CFLAR: variants seen among roughly 807,000 people sequenced by gnomAD.
CFLAR encodes the protein CASP8 and FADD-like apoptosis regulator.
In CFLAR, 14 loss-of-function variants were observed where a neutral mutation model predicts 51.1. The observed-to-expected ratio is 0.27, with a 90% CI of 0.18 to 0.43. The LOEUF (loss-of-function observed/expected upper bound fraction) is 0.43. Among genes scored for constraint, CFLAR ranks in the 20% least tolerant of loss-of-function variants. CFLAR has a pLI of 1.00. For synonymous variants in CFLAR, 210 were observed against 211.6 expected (o/e 0.99, Z 0.06); for missense variants, 390 against 566.5 (o/e 0.69, Z 3.16).
chr2:201,135,368 T>A (rs112042253), intron 3 of CFLAR, among the ~76,000 whole-genome samples: 1 of 152,302 alleles, frequency 6.6e-6, no homozygotes, highest in Admixed American at 6.5e-5. Flanking sequence ...CTTAGGAGGA[T>A]TGTCTTTTCA....
chr2:201,158,723 C>G (rs1378916221), intron 8 of CFLAR, among the ~76,000 whole-genome samples: 2 of 151,820 alleles, frequency 1.3e-5, no homozygotes, highest in Non-Finnish European at 2.9e-5. Flanking sequence ...ACAGAGTTTT[C>G]TTTTTTTTAT....
At position 201,160,537 on chromosome 2, in the gene CFLAR, C is replaced by T. The variant is rs1463886724; in HGVS notation, c.899C>T (p.Pro300Leu). Residue 300 changes from proline (P) to leucine (L), a missense_variant, in exon 9 of 10, where the codon CCC (proline) becomes CTC (leucine). Around this residue, in one of 2 missense-constraint regions of CFLAR, gnomAD observed 287 missense variants for 363.6 expected, o/e 0.79. Coordinates refer to ENST00000309955, the MANE Select transcript of CFLAR (RefSeq NM_003879.7). ...SQILGQFACM[P>L]EHRDYDSFVC... Reference sequence around the variant, plus strand: ...ATTCTTGGCCAATTTGCCTGTATGCCCGAGCACCGAGACTACGACAGCTTT... The same window carrying T: ...ATTCTTGGCCAATTTGCCTGTATGCTCGAGCACCGAGACTACGACAGCTTT... The T allele has an allele frequency of 1.2e-6, 2 of 1,612,776 alleles. No homozygotes were observed. The highest frequency in any genetic ancestry group is 2.7e-5 in the African/African-American group (2 of 74,454).
Position 201,176,451 on chromosome 2 carries a change from G to C in CFLAR, c.*12478G>C, listed in dbSNP as rs1407583043. The C allele has an allele frequency of 6.6e-6, 1 of 152,188 alleles. No homozygotes were observed. The highest frequency in any genetic ancestry group is 1.5e-5 in the Non-Finnish European group (1 of 68,032). The allele number at this position is 152,188 out of a possible 1,614,324, so 9.4% of individuals were successfully genotyped here. ...TTGCTCAGACCTGAATGTACCCATT[G>C]TAACAAACCCCTTCTTTGTATACTT... On this transcript the variant is annotated 3_prime_UTR_variant, in exon 10 of 10. Coordinates refer to ENST00000309955, the MANE Select transcript of CFLAR (RefSeq NM_003879.7).
intron 1 of CFLAR, among the ~76,000 whole-genome samples, chr2:201,121,626 T>C (rs2048192161): frequency 6.6e-6 from 1 of 152,218 alleles, no homozygotes; most frequent in African/African-American, 2.4e-5. Flanking sequence ...TTTTAAGAAC[T>C]TTATATATCC....
At chr2:201,158,971 G>A (rs892739013) in intron 8 of CFLAR, among the ~76,000 whole-genome samples, 3 of 151,336 alleles carry the variant, frequency 2.0e-5, no homozygotes, top group Non-Finnish European at 4.4e-5. Flanking sequence ...TCTGCCTCCC[G>A]GGTTCAAGCA....
intron 5 of CFLAR, chr2:201,140,720 C>A (rs1938513247): frequency 1.1e-5 from 3 of 267,338 alleles, no homozygotes; most frequent in Non-Finnish European, 2.1e-5. Context: ...TCCTTCTAGA[C>A]TCTTTTTTAT....
At chr2:201,155,297 C>CT (rs1159694913) in intron 8 of CFLAR, among the ~76,000 whole-genome samples, 7 of 151,238 alleles carry the variant, frequency 4.6e-5, no homozygotes, top group Admixed American at 2.0e-4. Flanking sequence ...GAGTCTCGCT[C>CT]TGTCACCCAG....
intron 8 of CFLAR, chr2:201,151,041 A>T (rs1412604710): frequency 6.6e-6 from 1 of 152,222 alleles, no homozygotes; most frequent in African/African-American, 2.4e-5. Context: ...TCACCTAGAT[A>T]GACGACAAAA....
In CFLAR at chr2:201,135,958, G is replaced by T. The variant is rs978969583; in HGVS notation, c.388-14G>T. On this transcript the variant is annotated splice_polypyrimidine_tract_variant and intron_variant, in intron 3 of 9. Coordinates refer to ENST00000309955, the MANE Select transcript of CFLAR (RefSeq NM_003879.7). ...GCTCTATTGACATTTGTTTTTTGTT[G>T]GTGGTTCTCTTAGAGTTTCTTGGAC... is the stretch of plus-strand genomic sequence containing the variant. 6.2e-7 allele frequency: 1 copy of T among 1,601,696 alleles called. No homozygotes were observed. Among genetic ancestry groups the T allele is most frequent in the Admixed American group, 1.8e-5 (1 of 56,572 alleles).
rs955897683 is a variant in CFLAR, at chr2:201,176,282, G to T, written c.*12309G>T. 2.4e-5 allele frequency: 3 copies of T among 127,040 alleles called. No individual in the cohort carries two copies. The highest frequency in any genetic ancestry group is 4.9e-5 in the Non-Finnish European group (3 of 60,646). The allele number at this position is 127,040 out of a possible 1,614,324, so 7.9% of individuals were successfully genotyped here. A position where few individuals can be genotyped will look rare whatever the true frequency, so the allele number is the denominator to read the frequency against. On this transcript the variant is annotated 3_prime_UTR_variant, in exon 10 of 10. Transcript: ENST00000309955. ...AGTCTCAGGTGTTTTCTATTGCGGGGGGGGGGGGCGGGCGGGGGAGCTGCC... is the reference window on the plus strand; with the variant it reads ...AGTCTCAGGTGTTTTCTATTGCGGGTGGGGGGGGCGGGCGGGGGAGCTGCC...
intron 4 of CFLAR, chr2:201,137,570 G>C: frequency 1.4e-6 from 1 of 728,078 alleles, no homozygotes. Flanking sequence ...CGTCGATCTG[G>C]GCTGACATGG....
At chr2:201,130,588 ACTC>A (rs1185332839) in intron 2 of CFLAR, among the ~76,000 whole-genome samples, 3 of 149,970 alleles carry the variant, frequency 2.0e-5, no homozygotes, top group Non-Finnish European at 4.4e-5. Context: ...CTGGTCTTGA[ACTC>A]CTGACCTCAA....
chr2:201,144,906 G>A lies in CFLAR; in HGVS notation c.607-472G>A, dbSNP rs144995098. On this transcript the variant is annotated intron_variant, in intron 5 of 9. Coordinates refer to ENST00000309955, the MANE Select transcript of CFLAR (RefSeq NM_003879.7). ...TCACTCTTGTCGCCCAGGCTGGAGT[G>A]CAATGGCACCATCTCAGCTCACTGC... Among the ~76,000 whole-genome samples the A allele has an allele frequency of 5.1e-4, 77 of 152,132 alleles. 1 individual carries two copies. Among genetic ancestry groups the A allele is most frequent in the African/African-American group, 1.8e-3 (74 of 41,498 alleles).
intron 9 of CFLAR, chr2:201,163,346 T>G: frequency 1.7e-6 from 2 of 1,174,762 alleles, no homozygotes; most frequent in Non-Finnish European, 2.1e-6. Context: ...CTGGCCTTTT[T>G]CAGTTGCACT....
intron 9 of CFLAR, chr2:201,162,658 A>T: frequency 4.8e-6 from 1 of 209,624 alleles, no homozygotes; most frequent in Non-Finnish European, 1.1e-5. Context: ...AAAGTCCTTG[A>T]TTTCCTCAAT....
chr2:201,135,900 T>C (rs2050051727), intron 3 of CFLAR, 72 bp from the exon 4 acceptor site: 1 of 1,552,732 alleles, frequency 6.4e-7, no homozygotes. Context: ...GTGCTGGGAT[T>C]ACAGGTATGA....
At chr2:201,131,350 C>T (rs374839951) in intron 2 of CFLAR, among the ~76,000 whole-genome samples, 139 of 152,132 alleles carry the variant, frequency 9.1e-4, no homozygotes, top group African/African-American at 3.0e-3. Context: ...ATTCTCCTGC[C>T]TTAGCCTCCT....
chr2:201,163,852 A>G lies in CFLAR; in HGVS notation c.1322A>G (p.Asp441Gly), dbSNP rs1203289483. The G allele has an allele frequency of 2.5e-6, 4 of 1,612,490 alleles. No homozygotes were observed. The highest frequency in any genetic ancestry group is 3.4e-6 in the Non-Finnish European group (4 of 1,179,572). Residue 441 changes from aspartate to glycine, a missense_variant, in exon 10 of 10, where the codon GAT (aspartate) becomes GGT (glycine). This residue lies in a region of CFLAR where 287 missense variants were observed against 363.6 expected (regional missense o/e 0.79). Coordinates refer to ENST00000309955, the MANE Select transcript of CFLAR (RefSeq NM_003879.7). ...TTCTCCAGAAAACGCCCACTCCTGGATCTTCACATTGAACTCAATGGCTAC... is the reference window on the plus strand; with the variant it reads ...TTCTCCAGAAAACGCCCACTCCTGGGTCTTCACATTGAACTCAATGGCTAC... ...LRQERKRPLLDLHIELNGYMY... is the reference protein window; with the variant it reads ...LRQERKRPLLGLHIELNGYMY...
Position 201,159,456 on chromosome 2 carries a change from C to T in CFLAR, c.794-976C>T, listed in dbSNP as rs968153950. ...TCCTGAGTAGCTGGGACTACAGGTGCGTGCCACTACACCTGACTAATTTTT... is the reference window on the plus strand; with the variant it reads ...TCCTGAGTAGCTGGGACTACAGGTGTGTGCCACTACACCTGACTAATTTTT... On this transcript the variant is annotated intron_variant, in intron 8 of 9. Transcript: ENST00000309955. 5.3e-5 allele frequency among the ~76,000 whole-genome samples: 8 copies of T among 151,980 alleles called. No homozygotes were observed. The East Asian group carries it at 1.4e-3, about 26-fold the overall frequency.
Sources: allele counts gnomAD v4.1 joint callset (sites outside exome capture counted in the v4.1 genomes callset), GRCh38; gene constraint gnomAD v4.1.1; regional missense constraint gnomAD v4.1.1; transcripts MANE v1.5; gene names NCBI Gene and HGNC (gene_info 2026-07-23, HGNC 2026-07-21).